The following PLCB1 variants were observed in gnomAD, a reference collection of about 807,000 sequenced individuals.
PLCB1 encodes the protein phospholipase C beta 1.
A neutral mutation model predicts 161.8 loss-of-function variants in PLCB1; 46 were observed. The ratio of observed to expected loss-of-function variants is 0.28; its 90% confidence interval spans 0.22 to 0.36. The LOEUF (loss-of-function observed/expected upper bound fraction) is 0.36, where lower values mean the gene tolerates loss of function less well. PLCB1 is among the 10% of genes least tolerant of loss of function. The pLI, the probability that PLCB1 is intolerant of heterozygous loss-of-function variation, is 1.00. For missense variants in PLCB1, 1,016 were observed against 1,472.5 expected, an observed-to-expected ratio of 0.69 and a Z score of 5.07; for synonymous variants, 517 against 503.7, an observed-to-expected ratio of 1.03 and a Z score of -0.35.
chr20:8,360,777 A>G (rs936741680), intron 2 of PLCB1, among the ~76,000 whole-genome samples: 1 of 152,156 alleles, frequency 6.6e-6, no homozygotes, highest in African/African-American at 2.4e-5. Context: ...AAAAGACCAC[A>G]CTTGTCAACT....
intron 4 of PLCB1, among the ~76,000 whole-genome samples, chr20:8,632,565 G>A (rs551924532): frequency 6.6e-6 from 1 of 152,234 alleles, no homozygotes; most frequent in African/African-American, 2.4e-5. Context: ...AGATAGGGAT[G>A]GAGAGTGCAG....
intron 3 of PLCB1, among the ~76,000 whole-genome samples, chr20:8,416,735 G>A (rs1262284002): frequency 1.3e-5 from 2 of 151,986 alleles, no homozygotes; most frequent in African/African-American, 4.8e-5. Flanking sequence ...TGAAATGTGA[G>A]GGTTTTGTTT....
intron 3 of PLCB1, among the ~76,000 whole-genome samples, chr20:8,387,116 C>A (rs930432003): frequency 1.3e-4 from 20 of 152,308 alleles, no homozygotes; most frequent in African/African-American, 2.4e-5. Flanking sequence ...ACTGGAGTAG[C>A]AATTTTAATT....
intron 2 of PLCB1, among the ~76,000 whole-genome samples, chr20:8,311,059 A>T (rs962497716): frequency 6.6e-6 from 1 of 152,126 alleles, no homozygotes; most frequent in Non-Finnish European, 1.5e-5. Context: ...CTACAGCTTC[A>T]CCAACATCTG....
chr20:8,293,567 C>G lies in PLCB1; in HGVS notation c.178-77815C>G, dbSNP rs147450656. Among the ~76,000 whole-genome samples, 78 of 151,828 alleles carry G rather than the reference C, an allele frequency of 5.1e-4. No homozygotes were observed. The East Asian group carries it at 0.014, about 28-fold the overall frequency. On this transcript the variant is annotated intron_variant, in intron 2 of 31. Transcript: ENST00000338037. ...GAATAATCAAATGATTTCTGGTACA[C>G]TGGAAGTCTGGTGCCATTGTCTTGA...
rs147484913 is a variant in PLCB1, at chr20:8,171,013, T to A, written c.177+20642T>A. 1.8e-3 allele frequency among the ~76,000 whole-genome samples: 268 copies of A among 152,322 alleles called. 2 individuals carry two copies. The highest frequency in any genetic ancestry group is 4.4e-3 in the African/African-American group (182 of 41,580). ...AATCTGCAAATCACATTATTTTCTA[T>A]TCTGATTCTCCCACTTACATTTTGA... is the stretch of plus-strand genomic sequence containing the variant. On this transcript the variant is annotated intron_variant, in intron 2 of 31. Coordinates refer to ENST00000338037, the MANE Select transcript of PLCB1 (RefSeq NM_015192.4).
chr20:8,290,774 T>C (rs1232590150), intron 2 of PLCB1, among the ~76,000 whole-genome samples: 1 of 152,170 alleles, frequency 6.6e-6, no homozygotes, highest in African/African-American at 2.4e-5. Context: ...CCCCTGACCT[T>C]GTGTAGAGCC....
At chr20:8,872,238 T>C (rs3848833) in intron 31 of PLCB1, among the ~76,000 whole-genome samples, 151,043 of 152,318 alleles carry the variant, frequency 0.99, 74,901 homozygotes, top group African/African-American at 1. Flanking sequence ...TAGGCATGCA[T>C]CAAACTCCAG....
At chr20:8,332,176 A>G (rs762305045) in intron 2 of PLCB1, among the ~76,000 whole-genome samples, 1 of 152,198 alleles carries the variant, frequency 6.6e-6, no homozygotes, top group Non-Finnish European at 1.5e-5. Context: ...AATGAACATG[A>G]TTCTACTGAC....
chr20:8,808,027 ACTGAGCTGAG>A (rs1984624115), intron 31 of PLCB1, among the ~76,000 whole-genome samples: 1 of 152,216 alleles, frequency 6.6e-6, no homozygotes, highest in South Asian at 2.1e-4. Flanking sequence ...GGTGGCAGTC[ACTGAGCTGAG>A]ACCTAGAGGA....
At chr20:8,305,169 C>T (rs1230618094) in intron 2 of PLCB1, among the ~76,000 whole-genome samples, 1 of 151,850 alleles carries the variant, frequency 6.6e-6, no homozygotes, top group Non-Finnish European at 1.5e-5. Flanking sequence ...AACACCTGTA[C>T]TTAACTCGTG....
At chr20:8,800,589 CAA>C (rs1188694215) in intron 31 of PLCB1, among the ~76,000 whole-genome samples, 1 of 152,024 alleles carries the variant, frequency 6.6e-6, no homozygotes, top group African/African-American at 2.4e-5. Context: ...AAATTTGTGT[CAA>C]AGAGAGTAGC....
intron 3 of PLCB1, among the ~76,000 whole-genome samples, chr20:8,427,252 G>A (rs566877792): frequency 6.6e-6 from 1 of 152,236 alleles, no homozygotes; most frequent in Middle Eastern, 3.4e-3. Context: ...TAATAATGAA[G>A]AATAGAAATC....
chr20:8,546,244 G>T (rs1255880890), intron 3 of PLCB1, among the ~76,000 whole-genome samples: 2 of 150,488 alleles, frequency 1.3e-5, no homozygotes, highest in Non-Finnish European at 2.9e-5. Context: ...AACCCAGGAG[G>T]CGGAGGTTGC....
chr20:8,842,606 T>C (rs1265078016), intron 31 of PLCB1, among the ~76,000 whole-genome samples: 2 of 152,142 alleles, frequency 1.3e-5, no homozygotes, highest in African/African-American at 2.4e-5. Flanking sequence ...ATCGGCAGAC[T>C]TATGTCTCCA....
chr20:8,546,832 G>GT (rs1012297635), intron 3 of PLCB1, among the ~76,000 whole-genome samples: 4 of 151,352 alleles, frequency 2.6e-5, no homozygotes, highest in Non-Finnish European at 5.9e-5. Flanking sequence ...TCCAAAAAGA[G>GT]TTTTTTTTAA....
chr20:8,825,693 T>C (rs997696946), intron 31 of PLCB1, among the ~76,000 whole-genome samples: 1 of 152,224 alleles, frequency 6.6e-6, no homozygotes, highest in African/African-American at 2.4e-5. Context: ...AGTGATATGA[T>C]CAGATTTAGA....
At chr20:8,729,847 A>G (rs1412221469) in intron 18 of PLCB1, 1 of 151,964 alleles carries the variant, frequency 6.6e-6, no homozygotes, top group Non-Finnish European at 1.5e-5. Context: ...GTTGTGCTAC[A>G]TTACTCCGCT....
At chr20:8,788,995 A>C (rs1050336695) in intron 29 of PLCB1, among the ~76,000 whole-genome samples, 1 of 152,204 alleles carries the variant, frequency 6.6e-6, no homozygotes, top group Non-Finnish European at 1.5e-5. Context: ...CTTCCTACCC[A>C]TAATCTTCCT....
Sources: allele counts gnomAD v4.1 joint callset (sites outside exome capture counted in the v4.1 genomes callset), GRCh38; gene constraint gnomAD v4.1.1; transcripts MANE v1.5; gene names NCBI Gene and HGNC (gene_info 2026-07-23, HGNC 2026-07-21).